AFF3: variants seen among roughly 807,000 people sequenced by gnomAD.
AFF3 encodes ALF transcription elongation factor 3.
AFF3 carries 32 observed loss-of-function variants against 129.7 expected under a neutral mutation model. The ratio of observed to expected loss-of-function variants is 0.25; its 90% CI spans 0.19 to 0.33. The LOEUF (loss-of-function observed/expected upper bound fraction) is 0.33. AFF3 is among the 10% of genes least tolerant of loss of function. The pLI is 1.00. For synonymous variants in AFF3, 644 were observed against 635.4 expected, an observed-to-expected ratio of 1.01 and a Z score of -0.20; for missense variants, 1,373 against 1,592.0, an observed-to-expected ratio of 0.86 and a Z score of 2.34.
intron 7 of AFF3, among the ~76,000 whole-genome samples, chr2:99,957,087 G>T (rs1337452258): frequency 6.6e-6 from 1 of 152,198 alleles, no homozygotes; most frequent in Non-Finnish European, 1.5e-5. Context: ...TCTGAAAGGG[G>T]TCTGTAACTG....
At chr2:99,685,670 G>T (rs1011834995) in intron 11 of AFF3, among the ~76,000 whole-genome samples, 1 of 152,088 alleles carries the variant, frequency 6.6e-6, no homozygotes, top group Non-Finnish European at 1.5e-5. Flanking sequence ...TGGAAGAAAC[G>T]AATCTTAAGT....
At position 99,905,227 on chromosome 2, in the gene AFF3, C is replaced by T. The variant is rs147661760; in HGVS notation, c.874-67703G>A. On this transcript the variant is annotated intron_variant, in intron 7 of 24. Coordinates refer to ENST00000672756, the MANE Select transcript of AFF3 (RefSeq NM_001386135.1). ...GGAGGAACTTGCTGCTCTTGCCCTC[C>T]GTGGAGCCCACGTCTTCACAGAGTT... Among the ~76,000 whole-genome samples, 856 of 152,326 alleles carry T rather than the reference C, an allele frequency of 5.6e-3. 4 individuals are homozygous for T. Among genetic ancestry groups the T allele is most frequent in the African/African-American group, 0.019 (808 of 41,582 alleles).
intron 13 of AFF3, among the ~76,000 whole-genome samples, chr2:99,608,194 T>C (rs1326730513): frequency 6.6e-6 from 1 of 152,218 alleles, no homozygotes; most frequent in African/African-American, 2.4e-5. Flanking sequence ...CAGGGTGCCC[T>C]TGCATATGAT....
chr2:99,664,367 T>C (rs1368050839), intron 12 of AFF3, among the ~76,000 whole-genome samples: 1 of 152,216 alleles, frequency 6.6e-6, no homozygotes, highest in Non-Finnish European at 1.5e-5. Flanking sequence ...CAGCCAAAAT[T>C]TGGTTATTCT....
chr2:99,962,891 A>ATAG (rs1677372555), intron 7 of AFF3, among the ~76,000 whole-genome samples: 2 of 146,166 alleles, frequency 1.4e-5, no homozygotes, highest in Non-Finnish European at 3.0e-5. Flanking sequence ...AATAATAATA[A>ATAG]TGGCTGAAAA....
At chr2:99,865,093 A>G (rs973911645) in intron 7 of AFF3, among the ~76,000 whole-genome samples, 1 of 152,234 alleles carries the variant, frequency 6.6e-6, no homozygotes, top group African/African-American at 2.4e-5. Flanking sequence ...AACTGCTGAG[A>G]ACATGTGGTG....
intron 4 of AFF3, among the ~76,000 whole-genome samples, chr2:100,036,349 A>T (rs1684907137): frequency 6.6e-6 from 1 of 151,970 alleles, no homozygotes; most frequent in Non-Finnish European, 1.5e-5. Context: ...TCTAAAACCT[A>T]ACTTCATATA....
chr2:100,093,749 G>T (rs1208467934), intron 4 of AFF3, among the ~76,000 whole-genome samples: 2 of 152,160 alleles, frequency 1.3e-5, no homozygotes, highest in Non-Finnish European at 2.9e-5. Context: ...AACTCAGCAG[G>T]CTCCAAGTCA....
rs753064703 is a variant in AFF3, at chr2:99,792,838, TTAAC to T, written c.922-40541_922-40538del. 2.5e-4 allele frequency among the ~76,000 whole-genome samples: 38 copies of T among 152,348 alleles called. 1 individual carries two copies. The highest frequency in any genetic ancestry group is 1.7e-3 in the South Asian group (8 of 4,824). On this transcript the variant is annotated intron_variant, in intron 8 of 24. Coordinates refer to ENST00000672756, the MANE Select transcript of AFF3 (RefSeq NM_001386135.1). ...CTTTACTTATTATATATTTCTGAAT[TTAAC>T]TAGCTAAGTTTTGTGAAAGGTTGAT...
chr2:99,748,259 C>G (rs182316856), intron 9 of AFF3, among the ~76,000 whole-genome samples: 169 of 152,306 alleles, frequency 1.1e-3, no homozygotes, highest in African/African-American at 3.8e-3. Context: ...CATCCAGATA[C>G]CTACATATGT....
intron 13 of AFF3, among the ~76,000 whole-genome samples, chr2:99,644,843 G>A (rs1021987972): frequency 3.9e-5 from 6 of 152,014 alleles, no homozygotes; most frequent in Non-Finnish European, 5.9e-5. Context: ...GGCTTCTTTC[G>A]CAGTGCAGAG....
intron 9 of AFF3, among the ~76,000 whole-genome samples, chr2:99,750,533 T>C (rs1233750560): frequency 6.6e-6 from 1 of 150,430 alleles, no homozygotes; most frequent in African/African-American, 2.4e-5. Context: ...TCCTGCTACC[T>C]CAGCGTCCCA....
intron 10 of AFF3, among the ~76,000 whole-genome samples, chr2:99,731,858 AG>A (rs376978134): frequency 3.3e-4 from 51 of 152,396 alleles, no homozygotes; most frequent in African/African-American, 1.0e-3. Context: ...TCTCAAGCTA[AG>A]GTTATGTTCT....
chr2:99,554,300 T>C lies in AFF3; in HGVS notation c.3559+11A>G, dbSNP rs1197470184. The C allele has an allele frequency of 6.2e-7, 1 of 1,614,024 alleles. No homozygotes were observed. Among genetic ancestry groups the C allele is most frequent in the Non-Finnish European group, 8.5e-7 (1 of 1,180,000 alleles). On this transcript the variant is annotated intron_variant, in intron 24 of 24. Coordinates refer to ENST00000672756, the MANE Select transcript of AFF3 (RefSeq NM_001386135.1). ...CGGAAGCCCCTGGTTCCCCGTGGGG[T>C]GTGCGCTCACCTCGGTTTTCCTTGG... is the stretch of plus-strand genomic sequence containing the variant.
intron 15 of AFF3, among the ~76,000 whole-genome samples, chr2:99,592,938 C>CCA (rs1553394572): frequency 1.1e-5 from 1 of 89,208 alleles, no homozygotes; most frequent in African/African-American, 4.1e-5. Flanking sequence ...TCCCTCCCCC[C>CCA]CCCCCAAAAA....
intron 8 of AFF3, among the ~76,000 whole-genome samples, chr2:99,782,144 AT>A (rs1684462779): frequency 6.6e-6 from 1 of 152,024 alleles, no homozygotes; most frequent in Non-Finnish European, 1.5e-5. Flanking sequence ...TTGATTTTCC[AT>A]TTCCCCTTGG....
rs144077195 is a variant in AFF3 at position 99,637,794 on chromosome 2, C to T, written c.1184+11832G>A. Among the ~76,000 whole-genome samples the T allele has an allele frequency of 3.8e-3, 576 of 152,248 alleles. 4 individuals carry two copies. The highest frequency in any genetic ancestry group is 0.013 in the African/African-American group (545 of 41,526). On this transcript the variant is annotated intron_variant, in intron 13 of 24. Coordinates refer to ENST00000672756, the MANE Select transcript of AFF3 (RefSeq NM_001386135.1). ...CTCTCTCTTAATTCCAACTATGAGA[C>T]GTCATGCGTATTGGATACTTAAAAT...
chr2:99,999,992 T>A (rs1419098100), intron 7 of AFF3, among the ~76,000 whole-genome samples: 1 of 152,128 alleles, frequency 6.6e-6, no homozygotes, highest in Non-Finnish European at 1.5e-5. Context: ...GGTCAACGGG[T>A]GCTTGCCACA....
chr2:99,876,748 C>T (rs1418790858), intron 7 of AFF3, among the ~76,000 whole-genome samples: 1 of 152,128 alleles, frequency 6.6e-6, no homozygotes, highest in Non-Finnish European at 1.5e-5. Flanking sequence ...TGCCAAAATA[C>T]TTTCTCTTGG....
Sources: gnomAD v4.1 joint callset for allele counts (sites outside exome capture counted in the v4.1 genomes callset) on GRCh38, gnomAD v4.1.1 for gene constraint, MANE v1.5 for transcripts, NCBI Gene and HGNC (gene_info 2026-07-23, HGNC 2026-07-21) for gene names.